The following DLG2 variants were observed in gnomAD, a reference collection of about 807,000 sequenced individuals.
DLG2 encodes the protein discs large MAGUK scaffold protein 2, also known as disks large homolog 2.
In DLG2, 45 loss-of-function variants were observed where a neutral mutation model predicts 132.5. That is an observed-to-expected ratio of 0.34 (90% CI 0.27 to 0.44). The LOEUF (loss-of-function observed/expected upper bound fraction) is 0.44. Among genes scored for constraint, DLG2 ranks in the 20% least tolerant of loss-of-function variants. The pLI, the probability that DLG2 is intolerant of heterozygous loss-of-function variation, is 1.00. For missense variants in DLG2, 1,045 were observed against 1,196.9 expected (o/e 0.87, Z 1.87); for synonymous variants, 424 against 419.6 (o/e 1.01, Z -0.13).
At chr11:84,920,919 T>C (rs1397679973) in intron 6 of DLG2, among the ~76,000 whole-genome samples, 1 of 152,146 alleles carries the variant, frequency 6.6e-6, no homozygotes, top group Non-Finnish European at 1.5e-5. Context: ...GAAAAATGTT[T>C]CTATCCTTTG....
intron 8 of DLG2, among the ~76,000 whole-genome samples, chr11:84,249,337 C>T (rs913236887): frequency 6.6e-6 from 1 of 152,116 alleles, no homozygotes; most frequent in Non-Finnish European, 1.5e-5. Context: ...CTGCATGTAT[C>T]AGGGGAGTAA....
chr11:85,051,806 G>A (rs1260210406), intron 6 of DLG2, among the ~76,000 whole-genome samples: 1 of 152,036 alleles, frequency 6.6e-6, no homozygotes, highest in African/African-American at 2.4e-5. Flanking sequence ...TAAAAGTAAA[G>A]TATAAATTAA....
intron 3 of DLG2, among the ~76,000 whole-genome samples, chr11:85,371,646 G>C (rs768758633): frequency 2.0e-5 from 3 of 152,302 alleles, no homozygotes; most frequent in Middle Eastern, 3.4e-3. Flanking sequence ...CCTTGTCTAT[G>C]CTGTCCCTGT....
rs188498009 is a variant in DLG2 at position 84,092,967 on chromosome 11, C to T, written c.749+5956G>A. On this transcript the variant is annotated intron_variant, in intron 10 of 27. Coordinates refer to ENST00000376104, the MANE Select transcript of DLG2 (RefSeq NM_001142699.3). ...AGAAGAATCGCTTGAACCCAGAAGG[C>T]GGAGGTGGCAGTGAGCCGAGATTGC... Among the ~76,000 whole-genome samples the T allele has an allele frequency of 4.6e-3, 682 of 148,224 alleles. 3 individuals are homozygous for T. The highest frequency in any genetic ancestry group is 8.1e-3 in the Non-Finnish European group (548 of 67,492).
At chr11:85,600,925 T>C (rs1480120659) in intron 2 of DLG2, among the ~76,000 whole-genome samples, 2 of 152,156 alleles carry the variant, frequency 1.3e-5, no homozygotes, top group Non-Finnish European at 2.9e-5. Context: ...AAGCCCAAAT[T>C]TGTAGCATTT....
intron 6 of DLG2, among the ~76,000 whole-genome samples, chr11:85,025,432 GC>G (rs2060434605): frequency 6.6e-6 from 1 of 152,166 alleles, no homozygotes; most frequent in African/African-American, 2.4e-5. Context: ...ATTAATAGAT[GC>G]TAATGGTTGT....
intron 5 of DLG2, among the ~76,000 whole-genome samples, chr11:85,133,435 A>G (rs892498180): frequency 2.0e-5 from 3 of 152,196 alleles, no homozygotes; most frequent in Non-Finnish European, 4.4e-5. Flanking sequence ...GGTACTGCAT[A>G]CATCACATCT....
intron 7 of DLG2, among the ~76,000 whole-genome samples, chr11:84,392,928 T>C (rs906523832): frequency 1.3e-5 from 2 of 152,134 alleles, no homozygotes; most frequent in African/African-American, 4.8e-5. Context: ...TAGTTGAAAA[T>C]ATATAATAGA....
At chr11:85,423,751 T>A (rs886849324) in intron 3 of DLG2, among the ~76,000 whole-genome samples, 4 of 152,026 alleles carry the variant, frequency 2.6e-5, no homozygotes, top group Non-Finnish European at 5.9e-5. Flanking sequence ...TCCCATGTAA[T>A]CCTAAGGGCT....
chr11:85,232,683 G>A (rs2075363809), intron 4 of DLG2, among the ~76,000 whole-genome samples: 1 of 151,796 alleles, frequency 6.6e-6, no homozygotes, highest in African/African-American at 2.4e-5. Context: ...AAAAGTCGTG[G>A]CATCATTCAG....
intron 6 of DLG2, among the ~76,000 whole-genome samples, chr11:85,032,871 T>C (rs1232558862): frequency 6.6e-6 from 1 of 152,222 alleles, no homozygotes; most frequent in Admixed American, 6.5e-5. Flanking sequence ...ATGGTAGAGA[T>C]GCCTCAAAAG....
At chr11:84,287,050 T>C (rs1196233785) in intron 7 of DLG2, among the ~76,000 whole-genome samples, 1 of 152,216 alleles carries the variant, frequency 6.6e-6, no homozygotes, top group African/African-American at 2.4e-5. Context: ...TTATGTCATA[T>C]AATTGTTGTG....
At chr11:84,107,601 G>A (rs1300300817) in intron 9 of DLG2, among the ~76,000 whole-genome samples, 2 of 151,936 alleles carry the variant, frequency 1.3e-5, no homozygotes, top group South Asian at 2.1e-4. Flanking sequence ...AAATAAGTTC[G>A]CTTTTGACAC....
chr11:84,876,779 T>G (rs774070144), intron 6 of DLG2, among the ~76,000 whole-genome samples: 1 of 152,130 alleles, frequency 6.6e-6, no homozygotes, highest in Non-Finnish European at 1.5e-5. Context: ...GATGGTAGGG[T>G]GTTGAATTTA....
In DLG2 at chr11:84,760,634, T is replaced by G. The variant is rs142513136; in HGVS notation, c.358-225903A>C. ...TCATGACTATACTTTTAACTGTGTATTTAAATTATTTTTAACCACCTCTTC... is the reference window on the plus strand; with the variant it reads ...TCATGACTATACTTTTAACTGTGTAGTTAAATTATTTTTAACCACCTCTTC... On this transcript the variant is annotated intron_variant, in intron 6 of 27. Coordinates refer to ENST00000376104, the MANE Select transcript of DLG2 (RefSeq NM_001142699.3). Among the ~76,000 whole-genome samples the G allele has an allele frequency of 1.1e-3, 170 of 152,336 alleles. No homozygotes were observed. In the East Asian group the frequency reaches 0.032, roughly 29 times the overall value.
intron 26 of DLG2, among the ~76,000 whole-genome samples, chr11:83,465,508 T>A (rs1378862339): frequency 1.3e-5 from 2 of 152,200 alleles, no homozygotes; most frequent in East Asian, 3.8e-4. Context: ...GAGGCCCAGA[T>A]GAAGGCAAAA....
intron 17 of DLG2, among the ~76,000 whole-genome samples, chr11:83,828,043 G>A (rs979293181): frequency 1.3e-5 from 2 of 152,120 alleles, no homozygotes; most frequent in African/African-American, 2.4e-5. Flanking sequence ...TTGGAATTCT[G>A]GTGGGGATAA....
At chr11:85,079,029 G>T (rs535846580) in intron 6 of DLG2, among the ~76,000 whole-genome samples, 6 of 152,074 alleles carry the variant, frequency 3.9e-5, no homozygotes, top group Admixed American at 3.9e-4. Flanking sequence ...TTTAGGGGGG[G>T]GGTCTGAGAC....
rs201520753 is a variant in DLG2 at position 83,775,405 on chromosome 11, T to A, written c.1825+11285A>T. Among the ~76,000 whole-genome samples the A allele has an allele frequency of 3.2e-4, 48 of 152,362 alleles. No individual in the cohort carries two copies. In the East Asian group the frequency reaches 8.9e-3, roughly 28 times the overall value. On this transcript the variant is annotated intron_variant, in intron 18 of 27. Transcript: ENST00000376104. ...ACTTTGTTTTACTCTACTGTATAGT[T>A]TTTAACCTCGGGAAAACCACTTATG...
Sources: gnomAD v4.1 joint callset for allele counts (sites outside exome capture counted in the v4.1 genomes callset) on GRCh38, gnomAD v4.1.1 for gene constraint, MANE v1.5 for transcripts, NCBI Gene and HGNC (gene_info 2026-07-23, HGNC 2026-07-21) for gene names.